The following ANO10 variants were observed in gnomAD, a reference collection of about 807,000 sequenced individuals.
ANO10 encodes the protein anoctamin-10.
ANO10 carries 77 observed loss-of-function variants against 74.7 expected under a neutral mutation model. That is an observed-to-expected ratio of 1.03 (90% CI 0.86 to 1.25). The LOEUF (loss-of-function observed/expected upper bound fraction) is 1.25, where lower values mean the gene tolerates loss of function less well. Among genes scored for constraint, ANO10 ranks in the 50% most tolerant of loss-of-function variants. ANO10 has a pLI of 0.00. For missense variants in ANO10, 721 were observed against 778.1 expected, an observed-to-expected ratio of 0.93 and a Z score of 0.87; for synonymous variants, 279 against 284.9, an observed-to-expected ratio of 0.98 and a Z score of 0.21.
intron 11 of ANO10, among the ~76,000 whole-genome samples, chr3:43,528,650 A>G (rs2078317094): frequency 6.6e-6 from 1 of 152,174 alleles, no homozygotes; most frequent in Non-Finnish European, 1.5e-5. Flanking sequence ...AAAGAAAAAT[A>G]TGTGTCAAAA....
rs374222788 is a variant in ANO10 at position 43,663,874 on chromosome 3, A to G, written c.-12+27643T>C. Reference sequence around the variant, plus strand: ...GAACTACAAACCACTGCTCAAGGAAATAAGAGAGGACACAAACAAATGGAA... The same window carrying G: ...GAACTACAAACCACTGCTCAAGGAAGTAAGAGAGGACACAAACAAATGGAA... On this transcript the variant is annotated intron_variant, in intron 1 of 3. Coordinates refer to the ANO10 transcript ENST00000413397. 2.3e-4 allele frequency among the ~76,000 whole-genome samples: 35 copies of G among 152,348 alleles called. No homozygotes were observed. In the East Asian group the frequency reaches 3.5e-3, roughly 15 times the overall value.
intron 8 of ANO10, among the ~76,000 whole-genome samples, chr3:43,564,795 G>C (rs941662847): frequency 3.0e-4 from 46 of 152,256 alleles, no homozygotes; most frequent in African/African-American, 9.4e-4. Flanking sequence ...TTCTCAGATA[G>C]ATATGAATGT....
At chr3:43,485,247 G>C in intron 11 of ANO10, 1 of 639,300 alleles carries the variant, frequency 1.6e-6, no homozygotes, top group Non-Finnish European at 2.8e-6. Context: ...GTCATAGTGA[G>C]AGGCAGGACT....
At chr3:43,673,504 A>G (rs950970056) in intron 1 of ANO10, among the ~76,000 whole-genome samples, 3 of 152,188 alleles carry the variant, frequency 2.0e-5, no homozygotes, top group African/African-American at 4.8e-5. Context: ...TGCTCTTGGA[A>G]ACTCTAATAC....
chr3:43,497,566 G>A (rs1236091561), intron 11 of ANO10, among the ~76,000 whole-genome samples: 1 of 152,202 alleles, frequency 6.6e-6, no homozygotes, highest in East Asian at 1.9e-4. Context: ...GTGGATCTAA[G>A]GCTAGTTAAT....
intron 11 of ANO10, among the ~76,000 whole-genome samples, chr3:43,515,958 C>T (rs962885114): frequency 1.3e-5 from 2 of 152,134 alleles, no homozygotes; most frequent in African/African-American, 2.4e-5. Flanking sequence ...GCAAAACTGC[C>T]TCTTCTGCTC....
chr3:43,601,401 T>G (rs2082332025), intron 2 of ANO10, among the ~76,000 whole-genome samples: 1 of 152,166 alleles, frequency 6.6e-6, no homozygotes, highest in Non-Finnish European at 1.5e-5. Context: ...TTCACCATGT[T>G]GCCCAGGCTG....
chr3:43,583,768 A>G (rs115370425), intron 4 of ANO10, among the ~76,000 whole-genome samples: 4 of 152,356 alleles, frequency 2.6e-5, no homozygotes, highest in Non-Finnish European at 4.4e-5. Context: ...CTAGTACTCT[A>G]ACTCTAGCAC....
intron 1 of ANO10, among the ~76,000 whole-genome samples, chr3:43,686,852 T>C (rs1465853058): frequency 2.6e-5 from 4 of 152,116 alleles, no homozygotes; most frequent in East Asian, 1.9e-4. Context: ...AGTCTGCTGA[T>C]TGGCAGTAGG....
chr3:43,485,185 C>T (rs1242979085), intron 11 of ANO10: 3 of 708,056 alleles, frequency 4.2e-6, no homozygotes, highest in South Asian at 1.5e-5. Context: ...ACAGCGCCTG[C>T]GGTGGTCAGG....
At chr3:43,455,086 T>C (rs996982536) in intron 11 of ANO10, among the ~76,000 whole-genome samples, 1 of 151,980 alleles carries the variant, frequency 6.6e-6, no homozygotes, top group Non-Finnish European at 1.5e-5. Context: ...GTCAAATACA[T>C]GGGCACAAAT....
In ANO10 at chr3:43,580,449, TGCCAGACGTGA is replaced by T; in HGVS notation, c.485_495del (p.Leu162HisfsTer10). On this transcript the variant is annotated frameshift_variant, in exon 5 of 13. Transcript: ENST00000292246. LOFTEE classifies it high-confidence loss of function. The stretch of plus-strand genomic sequence containing the variant: ...TGCAGTGGAAACACCTGAATCACGA[TGCCAGACGTGA>T]GCAATCTTCTCACTGCACAGGGAAA... 6.2e-7 allele frequency: 1 copy of T among 1,613,924 alleles called. No homozygotes were observed. Among genetic ancestry groups the T allele is most frequent in the African/African-American group, 1.3e-5 (1 of 75,034 alleles).
chr3:43,443,678 TC>T (rs778381376), intron 11 of ANO10, among the ~76,000 whole-genome samples: 1 of 68,942 alleles, frequency 1.5e-5, no homozygotes, highest in Non-Finnish European at 3.5e-5. Flanking sequence ...CTTCCTTCCT[TC>T]TTTTTTTTTT....
At chr3:43,499,468 G>A (rs915836312) in intron 11 of ANO10, among the ~76,000 whole-genome samples, 1 of 152,094 alleles carries the variant, frequency 6.6e-6, no homozygotes, top group Non-Finnish European at 1.5e-5. Context: ...CTGACAGGAG[G>A]AGCATTGAGC....
At chr3:43,619,620 G>T (rs867372702) in intron 1 of ANO10, among the ~76,000 whole-genome samples, 1 of 151,954 alleles carries the variant, frequency 6.6e-6, no homozygotes, top group Non-Finnish European at 1.5e-5. Context: ...GAGTCCATGG[G>T]GGGTGGATCT....
chr3:43,645,691 C>G (rs965234846), intron 1 of ANO10, among the ~76,000 whole-genome samples: 1 of 152,182 alleles, frequency 6.6e-6, no homozygotes, highest in Non-Finnish European at 1.5e-5. Context: ...AATAACCCTG[C>G]TCCCATTACT....
At chr3:43,563,707 G>A (rs1036504367) in intron 8 of ANO10, among the ~76,000 whole-genome samples, 3 of 152,106 alleles carry the variant, frequency 2.0e-5, no homozygotes, top group East Asian at 1.9e-4. Context: ...GCAGCAACAC[G>A]GATGGAACTG....
chr3:43,463,045 G>A (rs1415805428), intron 11 of ANO10, among the ~76,000 whole-genome samples: 4 of 152,180 alleles, frequency 2.6e-5, no homozygotes, highest in Non-Finnish European at 4.4e-5. Flanking sequence ...CTGCAGGGGC[G>A]GGGCTCTCAT....
intron 1 of ANO10, among the ~76,000 whole-genome samples, chr3:43,637,082 A>C (rs986293254): frequency 6.6e-6 from 1 of 152,184 alleles, no homozygotes; most frequent in South Asian, 2.1e-4. Flanking sequence ...TGGTGGGAGG[A>C]TCAATTGAGC....
Sources: allele counts gnomAD v4.1 joint callset (sites outside exome capture counted in the v4.1 genomes callset), GRCh38; gene constraint gnomAD v4.1.1; transcripts MANE v1.5; gene names NCBI Gene and HGNC (gene_info 2026-07-23, HGNC 2026-07-21).